Variants in CNTN6 observed in about 807,000 individuals in gnomAD.
CNTN6 encodes contactin-6.
Under a neutral mutation model 122.8 loss-of-function variants are expected in CNTN6, and 137 were observed. The observed-to-expected ratio is 1.12, with a 90% CI of 0.97 to 1.29. CNTN6 has a LOEUF of 1.29. Ranked by LOEUF, CNTN6 falls within the 50% of genes most tolerant of loss-of-function variation. The pLI is 0.00. For missense variants in CNTN6, 1,634 were observed against 1,223.4 expected (o/e 1.34, Z -5.01); for synonymous variants, 570 against 426.0 (o/e 1.34, Z -4.16).
At chr3:1,400,007 G>A (rs1695482707) in intron 20 of CNTN6, among the ~76,000 whole-genome samples, 1 of 152,088 alleles carries the variant, frequency 6.6e-6, no homozygotes, top group African/African-American at 2.4e-5. Flanking sequence ...GAAAGAGAAT[G>A]TATGGTAATA....
intron 2 of CNTN6, among the ~76,000 whole-genome samples, chr3:1,218,134 T>A (rs968765893): frequency 1.3e-5 from 2 of 152,004 alleles, no homozygotes; most frequent in African/African-American, 4.8e-5. Flanking sequence ...AGGACAGTGG[T>A]GACTTGGTGT....
At chr3:1,163,577 A>G (rs1400445651) in intron 2 of CNTN6, among the ~76,000 whole-genome samples, 1 of 152,074 alleles carries the variant, frequency 6.6e-6, no homozygotes, top group Non-Finnish European at 1.5e-5. Flanking sequence ...ACACCTGGCT[A>G]ATTTTTTAAA....
chr3:1,310,660 A>G (rs1699081539), intron 7 of CNTN6, among the ~76,000 whole-genome samples: 1 of 152,072 alleles, frequency 6.6e-6, no homozygotes, highest in South Asian at 2.1e-4. Context: ...CTCTGCTTCC[A>G]TTTTCTAGAA....
At chr3:1,401,678 C>T in intron 21 of CNTN6, 133 bp downstream of exon 21, 3 of 617,848 alleles carry the variant, frequency 4.9e-6, no homozygotes, top group Non-Finnish European at 8.5e-6. Context: ...TTGAAAATAC[C>T]ATTGCTGCTT....
chr3:1,369,969 C>A (rs1271085717), intron 12 of CNTN6, among the ~76,000 whole-genome samples: 1 of 151,764 alleles, frequency 6.6e-6, no homozygotes. Context: ...ACAATACAAG[C>A]TTTTTAAATT....
At position 1,404,055 on chromosome 3, in the gene CNTN6, C is replaced by G. The variant is rs1696043142; in HGVS notation, c.*637C>G. Reference sequence around the variant, plus strand: ...AAAAATAAATGATGGGAAATGAGCACCCACCTAAAATAATCTTCTAACAAC... The same window carrying G: ...AAAAATAAATGATGGGAAATGAGCAGCCACCTAAAATAATCTTCTAACAAC... On this transcript the variant is annotated 3_prime_UTR_variant, in exon 23 of 23. Coordinates refer to ENST00000446702, the MANE Select transcript of CNTN6 (RefSeq NM_001289080.2). 6.6e-6 allele frequency: 1 copy of G among 152,044 alleles called. No individual in the cohort carries two copies. Among genetic ancestry groups the G allele is most frequent in the African/African-American group, 2.4e-5 (1 of 41,408 alleles). The allele number at this position is 152,044 out of a possible 1,614,324, so 9.4% of individuals were successfully genotyped here.
At chr3:1,105,677 G>A (rs1449471574) in intron 1 of CNTN6, among the ~76,000 whole-genome samples, 1 of 152,112 alleles carries the variant, frequency 6.6e-6, no homozygotes, top group African/African-American at 2.4e-5. Flanking sequence ...ATAAATCAGT[G>A]TTTGTCCCTA....
intron 4 of CNTN6, among the ~76,000 whole-genome samples, chr3:1,254,858 C>G (rs1022285381): frequency 6.6e-6 from 1 of 151,866 alleles, no homozygotes; most frequent in Non-Finnish European, 1.5e-5. Flanking sequence ...TGAAAAAAAC[C>G]CATGATGTCC....
chr3:1,329,713 A>T, intron 10 of CNTN6, 72 bp from the exon 11 acceptor site: 1 of 1,305,596 alleles, frequency 7.7e-7, no homozygotes, highest in South Asian at 1.5e-5. Flanking sequence ...TGTCTAGCAT[A>T]GCAAGTCACC....
At chr3:1,398,709 C>G (rs977361654) in intron 20 of CNTN6, among the ~76,000 whole-genome samples, 1 of 137,698 alleles carries the variant, frequency 7.3e-6, no homozygotes, top group Non-Finnish European at 1.6e-5. Flanking sequence ...AGGAGTTATT[C>G]GTTTCATTTT....
intron 2 of CNTN6, among the ~76,000 whole-genome samples, chr3:1,209,032 CTT>C (rs2093996736): frequency 6.6e-6 from 1 of 152,108 alleles, no homozygotes; most frequent in Non-Finnish European, 1.5e-5. Context: ...TTTGGTCTGG[CTT>C]TAACCTAAAG....
intron 2 of CNTN6, among the ~76,000 whole-genome samples, chr3:1,154,686 G>A (rs540829198): frequency 3.9e-5 from 6 of 151,960 alleles, no homozygotes; most frequent in African/African-American, 9.6e-5. Context: ...CTGGTGTTCC[G>A]CCCGCCTCAG....
chr3:1,379,765 A>G (rs1710391656), intron 17 of CNTN6, among the ~76,000 whole-genome samples: 1 of 152,114 alleles, frequency 6.6e-6, no homozygotes, highest in African/African-American at 2.4e-5. Context: ...TCGGTTTCCC[A>G]TTTATCACTC....
At chr3:1,132,219 A>G (rs2092354739) in intron 1 of CNTN6, among the ~76,000 whole-genome samples, 2 of 152,058 alleles carry the variant, frequency 1.3e-5, no homozygotes, top group South Asian at 4.1e-4. Flanking sequence ...TATGATCAAT[A>G]CTTTTTCAAA....
At chr3:1,261,182 A>G (rs1020166318) in intron 4 of CNTN6, among the ~76,000 whole-genome samples, 3 of 152,160 alleles carry the variant, frequency 2.0e-5, no homozygotes, top group African/African-American at 7.2e-5. Context: ...GGCAGATGAG[A>G]CTTCCTTTAA....
intron 4 of CNTN6, among the ~76,000 whole-genome samples, chr3:1,248,223 C>T (rs978610290): frequency 1.3e-5 from 2 of 152,204 alleles, no homozygotes; most frequent in East Asian, 3.9e-4. Flanking sequence ...TATTCTAGTT[C>T]TCAAATTGAT....
At chr3:1,199,691 G>A (rs750916355) in intron 2 of CNTN6, among the ~76,000 whole-genome samples, 9 of 152,140 alleles carry the variant, frequency 5.9e-5, no homozygotes, top group South Asian at 4.1e-4. Flanking sequence ...AACACAGACG[G>A]GAGGAGATAA....
chr3:1,246,398 A>G (rs150002345), intron 4 of CNTN6, among the ~76,000 whole-genome samples: 219 of 151,728 alleles, frequency 1.4e-3, no homozygotes, highest in African/African-American at 5.0e-3. Flanking sequence ...CTGATCACAT[A>G]TAATATTTTA....
chr3:1,364,572 A>G (rs969572767), intron 12 of CNTN6, among the ~76,000 whole-genome samples: 3 of 151,914 alleles, frequency 2.0e-5, no homozygotes, highest in African/African-American at 7.2e-5. Flanking sequence ...TATACATTTA[A>G]CTGCCATCCC....
Sources: allele counts gnomAD v4.1 joint callset (sites outside exome capture counted in the v4.1 genomes callset), GRCh38; gene constraint gnomAD v4.1.1; transcripts MANE v1.5; gene names NCBI Gene and HGNC (gene_info 2026-07-23, HGNC 2026-07-21).